Variants in NBAS observed in about 807,000 individuals in gnomAD.
The protein encoded by NBAS is NBAS subunit of NRZ tethering complex.
NBAS carries 219 observed loss-of-function variants against 302.5 expected under a neutral mutation model. That is an observed-to-expected ratio of 0.72 (90% CI 0.65 to 0.81). NBAS has a LOEUF of 0.81. Among genes scored for constraint, NBAS ranks in the 30% least tolerant of loss-of-function variants. The pLI is 0.00. For missense variants in NBAS, 2,932 were observed against 2,841.6 expected (o/e 1.03, Z -0.72); for synonymous variants, 1,118 against 1,021.6 (o/e 1.09, Z -1.80).
chr2:15,374,689 G>A lies in NBAS; in HGVS notation c.3622C>T (p.Pro1208Ser), dbSNP rs775875571. Residue 1208 changes from proline (P) to serine (S), a missense_variant, in exon 31 of 52, where the codon CCT becomes TCT. By Grantham distance (74) the Pro-to-Ser change is moderately conservative (BLOSUM62 -1). Transcript: ENST00000281513. ...CCLQLITDRPPAIQEELDLIQ... is the reference protein window; with the variant it reads ...CCLQLITDRPSAIQEELDLIQ... Reference sequence around the variant, plus strand: ...AGATCTAGCTCCTCTTGAATGGCAGGGGGTCTGTCTGTTATCAGTTGTAAG... The same window carrying A: ...AGATCTAGCTCCTCTTGAATGGCAGAGGGTCTGTCTGTTATCAGTTGTAAG... The A allele has an allele frequency of 9.3e-6, 15 of 1,613,808 alleles. No individual in the cohort carries two copies. In the African/African-American group the frequency reaches 1.2e-4, roughly 13 times the overall value.
chr2:15,548,524 C>A (rs2148705174), intron 6 of NBAS, among the ~76,000 whole-genome samples: 1 of 152,182 alleles, frequency 6.6e-6, no homozygotes, highest in Admixed American at 6.5e-5. Context: ...CACCTGTAAT[C>A]CCAGCTACTT....
At chr2:15,488,859 T>TA in intron 12 of NBAS, 35 bp downstream of exon 12, 4 of 1,611,174 alleles carry the variant, frequency 2.5e-6, no homozygotes, top group Non-Finnish European at 3.4e-6. Flanking sequence ...TACTCACCCT[T>TA]AAGAGAGTAT....
intron 44 of NBAS, among the ~76,000 whole-genome samples, chr2:15,272,560 T>A (rs935322606): frequency 1.3e-5 from 2 of 152,184 alleles, no homozygotes; most frequent in Admixed American, 1.3e-4. Flanking sequence ...GAACTAAAAA[T>A]TAAAAGCTTG....
At chr2:15,371,417 A>G (rs898604279) in intron 31 of NBAS, among the ~76,000 whole-genome samples, 2 of 152,130 alleles carry the variant, frequency 1.3e-5, no homozygotes, top group African/African-American at 4.8e-5. Context: ...CATAAAAATC[A>G]CTCAATAAAT....
At chr2:14,826,804 C>T in the NBAS span, among the ~76,000 whole-genome samples, 2 of 152,314 alleles carry the variant, frequency 1.3e-5, no homozygotes, top group South Asian at 2.1e-4. Context: ...CAAAGTGAGG[C>T]CTTTGCTGTC....
the NBAS span, among the ~76,000 whole-genome samples, chr2:14,805,883 A>G: frequency 6.6e-6 from 1 of 152,012 alleles, no homozygotes; most frequent in African/African-American, 2.4e-5. Flanking sequence ...TCTCCCCTTA[A>G]TCTCTGTTTT....
chr2:15,385,615 G>A (rs973085368), intron 28 of NBAS, among the ~76,000 whole-genome samples: 5 of 152,188 alleles, frequency 3.3e-5, no homozygotes, highest in African/African-American at 1.2e-4. Context: ...TGGAATAGAT[G>A]TGGATTTCCC....
the NBAS span, among the ~76,000 whole-genome samples, chr2:15,116,484 C>T: frequency 3.8e-5 from 2 of 52,966 alleles, no homozygotes; most frequent in East Asian, 1.3e-3. Context: ...TCAACCCTAT[C>T]GGATTAGGGA....
chr2:14,999,560 G>A, the NBAS span, among the ~76,000 whole-genome samples: 1 of 151,904 alleles, frequency 6.6e-6, no homozygotes, highest in Non-Finnish European at 1.5e-5. Flanking sequence ...TTTCCCATTC[G>A]CATGCTCTCT....
chr2:14,970,210 C>T, the NBAS span, among the ~76,000 whole-genome samples: 5 of 152,134 alleles, frequency 3.3e-5, no homozygotes, highest in African/African-American at 1.2e-4. Context: ...CCCATGTGAG[C>T]TTTGTCATTG....
chr2:15,308,294 C>A lies in NBAS; in HGVS notation c.4719G>T (p.Leu1573=). ...KQSPSALSLQ[L]AAYYYSLQIY... The stretch of plus-strand genomic sequence containing the variant: ...TCTGGAGGCTATAGTAATACGCTGC[C>A]AGCTGGAGAGATAATGCAGAGGGGG... Residue 1573 remains leucine (L), a synonymous_variant, in exon 40 of 52, where the codon CTG becomes CTT. Transcript: ENST00000281513. The A allele has an allele frequency of 1.9e-6, 3 of 1,614,148 alleles. No individual in the cohort carries two copies. The highest frequency in any genetic ancestry group is 1.1e-5 in the South Asian group (1 of 91,088).
Position 15,474,236 on chromosome 2 carries a change from T to TAATCAG in NBAS, c.1424_1429dup (p.Ser475_Asp476dup). On this transcript the variant is annotated inframe_insertion, in exon 15 of 52. Transcript: ENST00000281513. ...GTAGCGAGCCTTGGCAGATATTTCA[T>TAATCAG]AATCAGAATCAGAATCCTCTTCTCC... The TAATCAG allele has an allele frequency of 1.2e-6, 2 of 1,614,132 alleles. No homozygotes were observed. The highest frequency in any genetic ancestry group is 1.1e-5 in the South Asian group (1 of 91,088).
At chr2:15,117,549 C>T in the NBAS span, among the ~76,000 whole-genome samples, 6 of 152,200 alleles carry the variant, frequency 3.9e-5, no homozygotes, top group Non-Finnish European at 8.8e-5. Flanking sequence ...TAGGGCCTCT[C>T]CTTAAGTTTG....
At chr2:15,318,908 A>T (rs1331768501) in intron 38 of NBAS, among the ~76,000 whole-genome samples, 1 of 152,180 alleles carries the variant, frequency 6.6e-6, no homozygotes, top group Non-Finnish European at 1.5e-5. Flanking sequence ...CCTAATAGAC[A>T]TCTACAGAAC....
chr2:15,028,508 C>T, the NBAS span, among the ~76,000 whole-genome samples: 1 of 152,190 alleles, frequency 6.6e-6, no homozygotes, highest in Non-Finnish European at 1.5e-5. Flanking sequence ...GTGTCATTTT[C>T]CTGCTTAAAA....
chr2:15,389,245 G>A (rs1037361614), intron 28 of NBAS, among the ~76,000 whole-genome samples: 48 of 152,190 alleles, frequency 3.2e-4, no homozygotes, highest in Non-Finnish European at 5.9e-4. Context: ...TGGAAAACCA[G>A]CTTATGTAAT....
the NBAS span, among the ~76,000 whole-genome samples, chr2:14,799,075 A>T: frequency 6.7e-6 from 1 of 148,676 alleles, no homozygotes; most frequent in African/African-American, 2.6e-5. Flanking sequence ...AAAATGTATT[A>T]GTTCTTTTCT....
intron 48 of NBAS, among the ~76,000 whole-genome samples, chr2:15,211,417 T>C (rs1310819657): frequency 6.6e-6 from 1 of 152,230 alleles, no homozygotes. Flanking sequence ...TCTTAGATGT[T>C]AATATTTAAT....
the NBAS span, among the ~76,000 whole-genome samples, chr2:14,959,226 C>A: frequency 6.6e-6 from 1 of 152,222 alleles, no homozygotes; most frequent in African/African-American, 2.4e-5. Context: ...TCATACTGAG[C>A]TTTACCAGGT....
Sources: allele counts gnomAD v4.1 joint callset (sites outside exome capture counted in the v4.1 genomes callset), GRCh38; gene constraint gnomAD v4.1.1; transcripts MANE v1.5; gene names NCBI Gene and HGNC (gene_info 2026-07-23, HGNC 2026-07-21).